The following HS3ST4 variants were observed in gnomAD, a reference collection of about 807,000 sequenced individuals.
HS3ST4 encodes the protein heparan sulfate-glucosamine 3-sulfotransferase 4.
A neutral mutation model predicts 29.2 loss-of-function variants in HS3ST4; 17 were observed. The observed-to-expected ratio is 0.58, with a 90% CI of 0.40 to 0.87. The LOEUF (loss-of-function observed/expected upper bound fraction) is 0.87, where lower values mean the gene tolerates loss of function less well. Ranked by LOEUF, HS3ST4 falls within the 40% of genes least tolerant of loss-of-function variation. The probability of loss-of-function intolerance (pLI) is 0.00; values close to 1 mark genes in which losing one functional copy is unlikely to be tolerated. For synonymous variants in HS3ST4, 314 were observed against 285.7 expected (o/e 1.10, Z -1.00); for missense variants, 627 against 634.5 (o/e 0.99, Z 0.13).
intron 1 of HS3ST4, among the ~76,000 whole-genome samples, chr16:26,114,582 A>G (rs1899177151): frequency 6.6e-6 from 1 of 152,212 alleles, no homozygotes; most frequent in African/African-American, 2.4e-5. Context: ...TGACGGGTCA[A>G]TAGTGGAAGC....
intron 1 of HS3ST4, among the ~76,000 whole-genome samples, chr16:25,792,240 A>T (rs1010742128): frequency 5.3e-5 from 8 of 151,978 alleles, no homozygotes; most frequent in Admixed American, 1.3e-4. Context: ...TATTAAAGAG[A>T]TTAATCTGTA....
intron 1 of HS3ST4, among the ~76,000 whole-genome samples, chr16:25,913,252 T>G (rs1391524958): frequency 6.6e-6 from 1 of 152,248 alleles, no homozygotes; most frequent in Non-Finnish European, 1.5e-5. Context: ...ACTCATGTGC[T>G]GAAACCTAAC....
chr16:25,930,271 A>T (rs562072514), intron 1 of HS3ST4, among the ~76,000 whole-genome samples: 1 of 152,172 alleles, frequency 6.6e-6, no homozygotes, highest in Non-Finnish European at 1.5e-5. Flanking sequence ...AAAGGATATA[A>T]CTGTTTCTAG....
At chr16:25,994,543 T>G (rs1171031702) in intron 1 of HS3ST4, among the ~76,000 whole-genome samples, 2 of 152,204 alleles carry the variant, frequency 1.3e-5, no homozygotes, top group East Asian at 3.8e-4. Context: ...TAAATGCAAT[T>G]AACTTGATCC....
At chr16:25,849,982 A>G (rs990141277) in intron 1 of HS3ST4, among the ~76,000 whole-genome samples, 14 of 150,464 alleles carry the variant, frequency 9.3e-5, no homozygotes, top group Admixed American at 8.7e-4. Context: ...GTATAATGAA[A>G]ATATAGATGC....
intron 1 of HS3ST4, among the ~76,000 whole-genome samples, chr16:25,778,830 A>G (rs1004474634): frequency 6.6e-6 from 1 of 152,184 alleles, no homozygotes; most frequent in African/African-American, 2.4e-5. Context: ...AGACTGCAAC[A>G]TAGAAACCCT....
At chr16:26,108,307 G>A (rs534894175) in intron 1 of HS3ST4, among the ~76,000 whole-genome samples, 2 of 152,188 alleles carry the variant, frequency 1.3e-5, no homozygotes, top group South Asian at 4.2e-4. Flanking sequence ...GGTATTTTTG[G>A]TTGGGTTACT....
chr16:25,858,418 T>A (rs189086876), intron 1 of HS3ST4, among the ~76,000 whole-genome samples: 1 of 152,316 alleles, frequency 6.6e-6, no homozygotes, highest in Non-Finnish European at 1.5e-5. Context: ...TCTAGCTCAC[T>A]TTTCAAAGGT....
At chr16:25,811,278 C>A (rs1420849953) in intron 1 of HS3ST4, among the ~76,000 whole-genome samples, 1 of 152,070 alleles carries the variant, frequency 6.6e-6, no homozygotes, top group Non-Finnish European at 1.5e-5. Context: ...AGACCAACCC[C>A]TCCTCTTCTC....
intron 1 of HS3ST4, among the ~76,000 whole-genome samples, chr16:26,044,706 C>T (rs59083695): frequency 0.017 from 2,513 of 150,766 alleles, 65 homozygotes; most frequent in African/African-American, 0.056. Context: ...GAGTCTAGTC[C>T]ACTGGATGGG....
chr16:25,718,490 A>G (rs1204542244), intron 1 of HS3ST4, among the ~76,000 whole-genome samples: 2 of 132,928 alleles, frequency 1.5e-5, no homozygotes, highest in Non-Finnish European at 3.2e-5. Context: ...AGATAGAGGT[A>G]AGCAGAAATG....
At chr16:26,032,858 G>A (rs1160905360) in intron 1 of HS3ST4, 13 of 1,551,796 alleles carry the variant, frequency 8.4e-6, no homozygotes, top group Non-Finnish European at 1.1e-5. Context: ...GACGCGGGAT[G>A]CAGTGGCGCG....
chr16:25,866,390 G>T (rs1967694837), intron 1 of HS3ST4, among the ~76,000 whole-genome samples: 1 of 152,110 alleles, frequency 6.6e-6, no homozygotes, highest in Non-Finnish European at 1.5e-5. Flanking sequence ...CAATAGGAAA[G>T]ACTTGGAACC....
intron 1 of HS3ST4, among the ~76,000 whole-genome samples, chr16:26,122,922 C>T (rs192111901): frequency 1.7e-4 from 26 of 152,018 alleles, no homozygotes; most frequent in African/African-American, 4.8e-4. Context: ...GGCGTGGTGG[C>T]GGGCGCTTGT....
intron 1 of HS3ST4, among the ~76,000 whole-genome samples, chr16:26,090,307 T>A (rs8054490): frequency 4.5e-4 from 68 of 150,398 alleles, no homozygotes; most frequent in African/African-American, 1.5e-3. Flanking sequence ...GAAATCTCTC[T>A]GCATTGGGAT....
At chr16:25,812,719 CT>C (rs1416429537) in intron 1 of HS3ST4, among the ~76,000 whole-genome samples, 1 of 127,932 alleles carries the variant, frequency 7.8e-6, no homozygotes, top group East Asian at 2.2e-4. Context: ...TTTTTTTGTT[CT>C]TGAGACAGAG....
intron 1 of HS3ST4, among the ~76,000 whole-genome samples, chr16:26,000,349 C>G (rs1355448305): frequency 3.3e-5 from 5 of 152,054 alleles, no homozygotes; most frequent in African/African-American, 9.7e-5. Flanking sequence ...TGACAAAATG[C>G]CCTTCCTCCA....
intron 1 of HS3ST4, among the ~76,000 whole-genome samples, chr16:25,865,891 G>T (rs1967689263): frequency 6.6e-6 from 1 of 151,994 alleles, no homozygotes; most frequent in South Asian, 2.1e-4. Context: ...CAGAAGAAAA[G>T]TTTCTCAACA....
chr16:25,968,568 C>A (rs1968866638), intron 1 of HS3ST4, among the ~76,000 whole-genome samples: 1 of 152,146 alleles, frequency 6.6e-6, no homozygotes, highest in Admixed American at 6.5e-5. Context: ...GTATCCGTAT[C>A]AATAAGTAGC....
Sources: gnomAD v4.1 joint callset for allele counts (sites outside exome capture counted in the v4.1 genomes callset) on GRCh38, gnomAD v4.1.1 for gene constraint, MANE v1.5 for transcripts, NCBI Gene and HGNC (gene_info 2026-07-23, HGNC 2026-07-21) for gene names.